The following ZNF140 variants were observed in gnomAD, a reference collection of about 807,000 sequenced individuals.
ZNF140 encodes the protein zinc finger protein 140 (clone pHZ-39).
A neutral mutation model predicts 12.9 loss-of-function variants in ZNF140; 13 were observed. That is an observed-to-expected ratio of 1.01 (90% CI 0.66 to 1.60). The LOEUF (loss-of-function observed/expected upper bound fraction) is 1.60, where lower values mean the gene tolerates loss of function less well. Among genes scored for constraint, ZNF140 ranks in the 40% most tolerant of loss-of-function variants. The probability of loss-of-function intolerance (pLI) is 0.00; values close to 1 mark genes in which losing one functional copy is unlikely to be tolerated. For missense variants in ZNF140, 531 were observed against 548.8 expected (o/e 0.97, Z 0.32); for synonymous variants, 214 against 186.7 (o/e 1.15, Z -1.19).
intron 4 of ZNF140, 117 bp downstream of exon 4, chr12:133,083,678 C>A: frequency 3.2e-6 from 3 of 949,550 alleles, no homozygotes; most frequent in Non-Finnish European, 4.7e-6. Flanking sequence ...ACTAGAGATA[C>A]GCTAGGCACG....
intron 2 of ZNF140, chr12:133,082,502 A>G (rs935421784): frequency 3.9e-5 from 6 of 152,788 alleles, no homozygotes; most frequent in African/African-American, 1.4e-4. Context: ...TCTGAGGGAA[A>G]GTGCTTTAGG....
intron 4 of ZNF140, among the ~76,000 whole-genome samples, chr12:133,090,966 T>A (rs923891740): frequency 1.4e-5 from 2 of 147,458 alleles, no homozygotes; most frequent in African/African-American, 5.0e-5. Flanking sequence ...GCGGTTTTGC[T>A]ACTATCTCAG....
At chr12:133,090,801 C>G (rs1290451737) in intron 4 of ZNF140, among the ~76,000 whole-genome samples, 1 of 136,286 alleles carries the variant, frequency 7.3e-6, no homozygotes, top group African/African-American at 2.7e-5. Flanking sequence ...AACATGTGAG[C>G]AAAAGAATCT....
chr12:133,083,187 A>C lies in ZNF140; in HGVS notation c.94A>C (p.Arg32=). ...WLQPAQRDLY[R]CVMLENYGHL... is the part of the protein sequence containing the mutation. ...TCAGCCTGCTCAAAGAGATTTGTACAGATGTGTAATGTTGGAGAACTATGG... is the reference window on the plus strand; with the variant it reads ...TCAGCCTGCTCAAAGAGATTTGTACCGATGTGTAATGTTGGAGAACTATGG... The change falls in exon 3 of 5, where the codon AGA becomes CGA. Residue 32 remains arginine (R), a synonymous_variant. Coordinates refer to ENST00000355557, the MANE Select transcript of ZNF140 (RefSeq NM_003440.4). The C allele has an allele frequency of 1.9e-6, 3 of 1,614,198 alleles. No individual in the cohort carries two copies. The highest frequency in any genetic ancestry group is 1.7e-6 in the Non-Finnish European group (2 of 1,180,016).
chr12:133,081,872 A>G (rs1346351504), intron 2 of ZNF140: 1 of 210,962 alleles, frequency 4.7e-6, no homozygotes, highest in Non-Finnish European at 9.9e-6. Context: ...CAGTATCAGC[A>G]TCATCTGAGA....
chr12:133,093,538 C>G, intron 4 of ZNF140: 1 of 692,920 alleles, frequency 1.4e-6, no homozygotes. Flanking sequence ...GATTTATTTT[C>G]TGGTTAAACA....
At chr12:133,094,808 G>A (rs73160473) in intron 4 of ZNF140, among the ~76,000 whole-genome samples, 14 of 151,178 alleles carry the variant, frequency 9.3e-5, no homozygotes, top group Non-Finnish European at 1.3e-4. Context: ...GGTGGCCATC[G>A]TGCTTTTAAC....
chr12:133,081,189 C>T (rs887799512), intron 1 of ZNF140, 84 bp from the exon 2 acceptor site: 2 of 503,704 alleles, frequency 4.0e-6, no homozygotes, highest in Non-Finnish European at 7.2e-6. Context: ...GCGGGGGCCA[C>T]GGGAATCCCC....
At chr12:133,091,782 A>C (rs1484860528) in intron 4 of ZNF140, among the ~76,000 whole-genome samples, 1 of 151,190 alleles carries the variant, frequency 6.6e-6, no homozygotes, top group African/African-American at 2.4e-5. Flanking sequence ...CTGGCACCAG[A>C]TTTAACTGGG....
rs763280574 is a variant in ZNF140 at position 133,106,548 on chromosome 12, G to A, written c.1271G>A (p.Trp424Ter). 1.2e-6 allele frequency: 2 copies of A among 1,613,900 alleles called. No homozygotes were observed. Among genetic ancestry groups the A allele is most frequent in the Non-Finnish European group, 1.7e-6 (2 of 1,179,992 alleles). ...VCKVCNKSFS[W>*]SSNLAKHQRT... ...AAGGTATGCAACAAATCCTTCAGCTGGAGCTCAAACCTTGCTAAACATCAG... is the reference window on the plus strand; with the variant it reads ...AAGGTATGCAACAAATCCTTCAGCTAGAGCTCAAACCTTGCTAAACATCAG... The change falls in exon 5 of 5, where the codon TGG (tryptophan) becomes TAG (stop). Residue 424 changes from tryptophan to a stop codon, truncating the protein, a stop_gained. Coordinates refer to ENST00000355557, the MANE Select transcript of ZNF140 (RefSeq NM_003440.4). LOFTEE classifies it low-confidence loss of function (END_TRUNC).
rs368640870 is a variant in ZNF140 at position 133,081,348 on chromosome 12, A to AATATATATATAT, written c.9+31_9+42dup. 5,810 of 318,172 alleles carry AATATATATATAT rather than the reference A, an allele frequency of 0.018. 365 individuals carry two copies. The highest frequency in any genetic ancestry group is 0.021 in the Non-Finnish European group (3,686 of 172,072). 19.7% of individuals were successfully genotyped at this position (318,172 alleles called of 1,614,324 possible). A position where few individuals can be genotyped will look rare whatever the true frequency, so the allele number is the denominator to read the frequency against. On this transcript the variant is annotated intron_variant, in intron 2 of 4. Transcript: ENST00000355557. ...GTCTCAGGTAAGCTAATGATTGATA[A>AATATATATATAT]ATATATATATATATATATATATAAA...
At chr12:133,083,708 C>T (rs1954576676) in intron 4 of ZNF140, 147 bp downstream of exon 4, 4 of 745,452 alleles carry the variant, frequency 5.4e-6, no homozygotes, top group Non-Finnish European at 6.5e-6. Flanking sequence ...GCCGGTAATC[C>T]CAGCACTTTG....
At chr12:133,101,544 A>T (rs1213713061) in intron 4 of ZNF140, among the ~76,000 whole-genome samples, 1 of 152,166 alleles carries the variant, frequency 6.6e-6, no homozygotes, top group Non-Finnish European at 1.5e-5. Flanking sequence ...TCCCGGGTTC[A>T]CGCCATTCTC....
intron 2 of ZNF140, chr12:133,081,884 C>T (rs1423196160): frequency 5.2e-5 from 10 of 192,524 alleles, no homozygotes; most frequent in African/African-American, 9.5e-5. Flanking sequence ...CATCTGAGAA[C>T]GTATTAGAAA....
At chr12:133,082,905 T>G in intron 2 of ZNF140, 198 bp from the exon 3 acceptor site, 1 of 628,926 alleles carries the variant, frequency 1.6e-6, no homozygotes, top group Non-Finnish European at 2.5e-6. Context: ...TAATTTATGT[T>G]TTTCTCCTTT....
intron 4 of ZNF140, among the ~76,000 whole-genome samples, chr12:133,098,559 A>G (rs1445650970): frequency 1.3e-5 from 2 of 152,028 alleles, no homozygotes; most frequent in Non-Finnish European, 2.9e-5. Flanking sequence ...AAATAATCCA[A>G]CCCTACTTTC....
At chr12:133,104,113 C>T (rs11834148) in intron 4 of ZNF140, among the ~76,000 whole-genome samples, 44,344 of 152,024 alleles carry the variant, frequency 0.29, 6,724 homozygotes, top group African/African-American at 0.35. Flanking sequence ...AAAGTGCCAA[C>T]GTATGTTTGA....
At position 133,083,575 on chromosome 12, in the gene ZNF140, A is replaced by C; in HGVS notation, c.232+14A>C. ...ATCTGTTTTCAGGTGAGTGAGTTGG[A>C]AGCTGATGGGGAAATTTTTTAAAAC... On this transcript the variant is annotated intron_variant, in intron 4 of 4. Coordinates refer to ENST00000355557, the MANE Select transcript of ZNF140 (RefSeq NM_003440.4). The C allele has an allele frequency of 6.2e-7, 1 of 1,605,452 alleles. No homozygotes were observed. The highest frequency in any genetic ancestry group is 8.5e-7 in the Non-Finnish European group (1 of 1,177,260).
At chr12:133,088,002 C>T (rs796405622) in intron 4 of ZNF140, among the ~76,000 whole-genome samples, 46 of 151,804 alleles carry the variant, frequency 3.0e-4, no homozygotes, top group African/African-American at 9.4e-4. Flanking sequence ...TGGTGGTGTG[C>T]GCCTGTAATC....
Sources: allele counts gnomAD v4.1 joint callset (sites outside exome capture counted in the v4.1 genomes callset), GRCh38; gene constraint gnomAD v4.1.1; transcripts MANE v1.5; gene names NCBI Gene and HGNC (gene_info 2026-07-23, HGNC 2026-07-21).